PLCH1: variants seen among roughly 807,000 people sequenced by gnomAD.
The protein encoded by PLCH1 is 1-phosphatidylinositol 4,5-bisphosphate phosphodiesterase eta-1.
A neutral mutation model predicts 126.7 loss-of-function variants in PLCH1; 60 were observed. That is an observed-to-expected ratio of 0.47 (90% CI 0.38 to 0.59). The LOEUF (loss-of-function observed/expected upper bound fraction) is 0.59. Ranked by LOEUF, PLCH1 falls within the 20% of genes least tolerant of loss-of-function variation. The pLI is 0.00. For missense variants in PLCH1, 1,723 were observed against 2,040.0 expected (o/e 0.84, Z 2.99); for synonymous variants, 719 against 734.9 (o/e 0.98, Z 0.35).
chr3:155,566,188 T>C (rs1266208129), intron 7 of PLCH1, among the ~76,000 whole-genome samples: 39 of 72,318 alleles, frequency 5.4e-4, no homozygotes, highest in Non-Finnish European at 6.3e-4. Context: ...TATACACATA[T>C]ATATACACAT....
intron 21 of PLCH1, among the ~76,000 whole-genome samples, chr3:155,455,714 G>A (rs1712424803): frequency 6.6e-6 from 1 of 152,170 alleles, no homozygotes; most frequent in African/African-American, 2.4e-5. Flanking sequence ...CTTTTGAAGA[G>A]GCTTTGTTTC....
Position 155,482,553 on chromosome 3 carries a change from A to G in PLCH1, c.3473T>C (p.Leu1158Pro), listed in dbSNP as rs1560045594. 1 of 1,614,218 alleles carries G rather than the reference A, an allele frequency of 6.2e-7. No individual in the cohort carries two copies. Residue 1158 changes from leucine to proline, a missense_variant, in exon 23 of 23, where the codon CTA (leucine) becomes CCA (proline). Leu to Pro is a moderately conservative substitution (Grantham distance 98). Transcript: ENST00000460012. ...VSMLCSDIPDLHSTAILQESV... is the reference protein window; with the variant it reads ...VSMLCSDIPDPHSTAILQESV... The stretch of plus-strand genomic sequence containing the variant: ...CTCCTGCAGAATTGCAGTTGAATGT[A>G]GGTCAGGTATGTCAGAACAGAGCAT...
At chr3:155,547,862 G>A (rs1725579776) in intron 10 of PLCH1, among the ~76,000 whole-genome samples, 1 of 140,976 alleles carries the variant, frequency 7.1e-6, no homozygotes, top group Non-Finnish European at 1.5e-5. Flanking sequence ...GACACAGGAA[G>A]GGGACATCAC....
At chr3:155,715,712 A>C (rs889546700) in intron 1 of PLCH1, among the ~76,000 whole-genome samples, 13 of 150,568 alleles carry the variant, frequency 8.6e-5, no homozygotes, top group Non-Finnish European at 1.5e-4. Context: ...TCCTAGGATT[A>C]AGGGATCCTC....
rs1714182125 is a variant in PLCH1 at position 155,482,152 on chromosome 3, A to G, written c.3874T>C (p.Leu1292=). 3 of 1,614,150 alleles carry G rather than the reference A, an allele frequency of 1.9e-6. No individual in the cohort carries two copies. Among genetic ancestry groups the G allele is most frequent in the South Asian group, 2.2e-5 (2 of 91,082 alleles). The part of the protein sequence containing the change: ...DLSSKAKTAA[L]ESNLPGSPNT... ...GGGGATCCAGGCAGGTTGCTTTCTA[A>G]GGCCGCTGTCTTGGCCTTACTAGAA... Residue 1292 remains leucine, a synonymous_variant, in exon 23 of 23, where the codon TTA becomes CTA. Transcript: ENST00000460012.
chr3:155,590,097 G>A (rs1304345416), intron 4 of PLCH1, among the ~76,000 whole-genome samples: 1 of 152,184 alleles, frequency 6.6e-6, no homozygotes, highest in Non-Finnish European at 1.5e-5. Context: ...TGGCCATACT[G>A]CAGAAATAAG....
intron 17 of PLCH1, 53 bp from the exon 18 acceptor site, chr3:155,492,906 C>T (rs1716466964): frequency 6.8e-7 from 1 of 1,460,356 alleles, no homozygotes; most frequent in Non-Finnish European, 9.2e-7. Context: ...CACACGCATG[C>T]ACAGCTTAAG....
intron 1 of PLCH1, among the ~76,000 whole-genome samples, chr3:155,720,113 C>T (rs541895495): frequency 1.7e-4 from 26 of 152,248 alleles, no homozygotes; most frequent in Middle Eastern, 3.4e-3. Context: ...TTTATCCACT[C>T]ATTGATTGAT....
Position 155,605,005 on chromosome 3 carries a change from A to C in PLCH1, c.80-8627T>G, listed in dbSNP as rs76626095. Among the ~76,000 whole-genome samples, 1,260 of 152,316 alleles carry C rather than the reference A, an allele frequency of 8.3e-3. 16 individuals are homozygous for C. Among genetic ancestry groups the C allele is most frequent in the African/African-American group, 0.029 (1,203 of 41,558 alleles). ...TGTCATGGACGGCATTCCACTGGAT[A>C]AAACGCAGGTCTAGGTCTCCCGCCA... is the stretch of plus-strand genomic sequence containing the variant. On this transcript the variant is annotated intron_variant, in intron 2 of 22. Coordinates refer to ENST00000460012, the MANE Select transcript of PLCH1 (RefSeq NM_014996.4).
At chr3:155,452,811 C>T (rs1712341436) in intron 21 of PLCH1, among the ~76,000 whole-genome samples, 1 of 152,124 alleles carries the variant, frequency 6.6e-6, no homozygotes, top group Admixed American at 6.5e-5. Context: ...GACCTCAAAA[C>T]ATCTATGTAT....
intron 21 of PLCH1, among the ~76,000 whole-genome samples, chr3:155,487,666 C>T (rs1576802701): frequency 1.3e-5 from 2 of 152,344 alleles, no homozygotes; most frequent in South Asian, 4.1e-4. Context: ...ATCTGAGACA[C>T]TGCATTTCCC....
intron 1 of PLCH1, among the ~76,000 whole-genome samples, chr3:155,710,182 AT>A (rs1746992879): frequency 6.6e-6 from 1 of 151,596 alleles, no homozygotes. Flanking sequence ...TAGAGACGGG[AT>A]TTCACTATGT....
At chr3:155,668,114 C>T (rs1409849927) in intron 2 of PLCH1, among the ~76,000 whole-genome samples, 2 of 142,288 alleles carry the variant, frequency 1.4e-5, no homozygotes, top group Non-Finnish European at 3.1e-5. Flanking sequence ...AAAAGAGTCA[C>T]ATCACCCAGC....
At chr3:155,598,966 C>T (rs1390825765) in intron 2 of PLCH1, among the ~76,000 whole-genome samples, 1 of 151,330 alleles carries the variant, frequency 6.6e-6, no homozygotes, top group Admixed American at 6.6e-5. Flanking sequence ...AAGTGGGGCC[C>T]CATGATCTCT....
At chr3:155,613,400 T>C (rs932727217) in intron 2 of PLCH1, among the ~76,000 whole-genome samples, 7 of 151,854 alleles carry the variant, frequency 4.6e-5, no homozygotes, top group Admixed American at 1.3e-4. Flanking sequence ...GCAAAAATCC[T>C]CAACAAAATA....
intron 2 of PLCH1, among the ~76,000 whole-genome samples, chr3:155,655,575 T>C: frequency 6.6e-6 from 1 of 152,210 alleles, no homozygotes; most frequent in Non-Finnish European, 1.5e-5. Flanking sequence ...AATCTCTCCA[T>C]ACATTCACCA....
chr3:155,537,220 A>AAC (rs1723536967), intron 10 of PLCH1, among the ~76,000 whole-genome samples: 1 of 12,146 alleles, frequency 8.2e-5, no homozygotes, highest in African/African-American at 1.2e-4. Context: ...AAAAAAAAAA[A>AAC]AAAAAAAAAA....
At chr3:155,473,901 C>G (rs2107985902) in intron 21 of PLCH1, among the ~76,000 whole-genome samples, 1 of 151,882 alleles carries the variant, frequency 6.6e-6, no homozygotes, top group South Asian at 2.1e-4. Flanking sequence ...GGATCCCTTC[C>G]TTACACTTTA....
chr3:155,468,035 C>T (rs1712996645), intron 21 of PLCH1, among the ~76,000 whole-genome samples: 1 of 152,024 alleles, frequency 6.6e-6, no homozygotes, highest in Admixed American at 6.5e-5. Context: ...TCAATAATAC[C>T]TAAAACACCT....
Sources: gnomAD v4.1 joint callset for allele counts (sites outside exome capture counted in the v4.1 genomes callset) on GRCh38, gnomAD v4.1.1 for gene constraint, MANE v1.5 for transcripts, NCBI Gene and HGNC (gene_info 2026-07-23, HGNC 2026-07-21) for gene names.